KANTR: variants seen among roughly 807,000 people sequenced by gnomAD.
KANTR encodes KANTR integral membrane protein.
chrX:53,123,701 C>T (rs1222765735), exon 3 of KANTR: 2 of 111,727 alleles, frequency 1.8e-5, no homozygotes, highest in African/African-American at 6.5e-5. Context: ...GGAACACAGA[C>T]TCCTCCAGCA....
intron 2 of KANTR, among the ~76,000 whole-genome samples, chrX:53,118,211 C>T (rs1556814961): frequency 1.8e-5 from 2 of 111,680 alleles, no homozygotes; most frequent in East Asian, 2.8e-4. Context: ...TCCAAAAGTT[C>T]GGCTTGACAG....
downstream of KANTR, among the ~76,000 whole-genome samples, chrX:53,147,475 T>G (rs1168302616): frequency 2.7e-5 from 3 of 111,390 alleles, no homozygotes; most frequent in Admixed American, 2.9e-4. Flanking sequence ...AAGCAAGTCC[T>G]TAGAGACCTA....
intron 2 of KANTR, among the ~76,000 whole-genome samples, chrX:53,104,471 C>A (rs1358097235): frequency 9.1e-6 from 1 of 110,280 alleles, no homozygotes; most frequent in African/African-American, 3.3e-5. Flanking sequence ...AAGTGATCCA[C>A]CCGCCTCGGC....
intron 2 of KANTR, among the ~76,000 whole-genome samples, chrX:53,123,193 C>A (rs1358228409): frequency 1.1e-5 from 1 of 88,043 alleles, no homozygotes; most frequent in African/African-American, 4.1e-5. Flanking sequence ...TTTTTTTTTT[C>A]TGAGCAAGAC....
At position 53,113,327 on chromosome X, in the gene KANTR, A is replaced by AC. The variant is rs145002653; in HGVS notation, c.-804-10142_-804-10141insC. On this transcript the variant is annotated intron_variant, in intron 2 of 2. Coordinates refer to ENST00000604062, the Ensembl canonical transcript of KANTR. ...AGCCTATAGCAGAAAACACACACAC[A>AC]AAAAAAAACCCTAATTTTTAAAATA... is the stretch of plus-strand genomic sequence containing the variant. 7.9e-3 allele frequency: 251 copies of AC among 31,920 alleles called. 2 individuals carry two copies. The highest frequency in any genetic ancestry group is 0.046 in the Middle Eastern group (3 of 65). The allele number at this position is 31,920 out of a possible 1,213,427, so 2.6% of individuals were successfully genotyped here.
chrX:53,140,263 G>A (rs1370652809), intron 2 of KANTR, among the ~76,000 whole-genome samples: 1 of 111,798 alleles, frequency 8.9e-6, no homozygotes, highest in Non-Finnish European at 1.9e-5. Context: ...TTGGAAGGCC[G>A]AGGCAAGTGG....
chrX:53,129,231 CTATT>C (rs1569239767), downstream of KANTR, among the ~76,000 whole-genome samples: 1 of 32,352 alleles, frequency 3.1e-5, no homozygotes, highest in Non-Finnish European at 7.8e-5. Context: ...CCATGCCTGG[CTATT>C]TGTGTGTGTG....
In KANTR at chrX:53,112,488, G is replaced by A. The variant is rs1933056565; in HGVS notation, c.-804-10981G>A. On this transcript the variant is annotated intron_variant, in intron 2 of 2. Coordinates refer to ENST00000604062, the Ensembl canonical transcript of KANTR. ...GACTTTTCCTCTCCATTTCTAAAGG[G>A]CAGCTTTGCTGGTACAGTCTTTTTG... Among the ~76,000 whole-genome samples, 4 of 112,020 alleles carry A rather than the reference G, an allele frequency of 3.6e-5. No homozygotes were observed. In the South Asian group the frequency reaches 1.5e-3, roughly 41 times the overall value.
intron 2 of KANTR, among the ~76,000 whole-genome samples, chrX:53,107,419 A>G (rs1313798860): frequency 3.1e-5 from 3 of 98,218 alleles, no homozygotes; most frequent in Non-Finnish European, 5.9e-5. Flanking sequence ...CTGGGATTAC[A>G]GGCATGATCT....
At chrX:53,129,068 T>A (rs1199475905), downstream of KANTR, among the ~76,000 whole-genome samples, 2 of 11,553 alleles carry the variant, frequency 1.7e-4, no homozygotes, top group East Asian at 0.019. Flanking sequence ...TCTTCTTCTT[T>A]TTTTTTTTTT....
chrX:53,146,587 T>C (rs1556819380), downstream of KANTR, among the ~76,000 whole-genome samples: 1 of 111,528 alleles, frequency 9.0e-6, no homozygotes, highest in Non-Finnish European at 1.9e-5. Flanking sequence ...CCAGGAGAAC[T>C]TCCCCAATCT....
chrX:53,101,236 T>C (rs1932890575), intron 2 of KANTR, among the ~76,000 whole-genome samples: 1 of 112,928 alleles, frequency 8.9e-6, no homozygotes, highest in Non-Finnish European at 1.9e-5. Flanking sequence ...GCAAGAAGCC[T>C]AGCCTTCGGC....
intron 2 of KANTR, among the ~76,000 whole-genome samples, chrX:53,104,759 T>C (rs1932928065): frequency 8.9e-6 from 1 of 112,174 alleles, no homozygotes; most frequent in South Asian, 3.7e-4. Context: ...TCAAATAATA[T>C]TCTGTCATAT....
downstream of KANTR, among the ~76,000 whole-genome samples, chrX:53,129,065 CTTTTTTTTTTT>C (rs10550250): frequency 3.6e-5 from 2 of 55,492 alleles, no homozygotes; most frequent in Non-Finnish European, 7.2e-5. Flanking sequence ...TCTTCTTCTT[CTTTTTTTTTTT>C]TTTTTTTTTG....
intron 2 of KANTR, among the ~76,000 whole-genome samples, chrX:53,132,802 G>T (rs1556817177): frequency 9.0e-6 from 1 of 111,638 alleles, no homozygotes; most frequent in Admixed American, 9.5e-5. Flanking sequence ...ATAGTGATGG[G>T]TGCACTCCAC....
chrX:53,139,927 A>G (rs782689467), intron 2 of KANTR, among the ~76,000 whole-genome samples: 10 of 112,691 alleles, frequency 8.9e-5, no homozygotes, highest in African/African-American at 2.6e-4. Context: ...AGCAACGCCA[A>G]TAGAAAATTA....
chrX:53,114,315 G>A (rs1200049417), intron 2 of KANTR, among the ~76,000 whole-genome samples: 5 of 112,739 alleles, frequency 4.4e-5, no homozygotes, highest in African/African-American at 9.7e-5. Flanking sequence ...CAGAGTGCTC[G>A]GGATTATAGG....
At chrX:53,118,643 C>T (rs1370719000) in intron 2 of KANTR, among the ~76,000 whole-genome samples, 5 of 110,063 alleles carry the variant, frequency 4.5e-5, no homozygotes, top group Non-Finnish European at 9.5e-5. Flanking sequence ...TGCCTGTGGC[C>T]CCAGCTACTT....
At chrX:53,135,064 C>G (rs1933405162) in intron 2 of KANTR, among the ~76,000 whole-genome samples, 1 of 111,849 alleles carries the variant, frequency 8.9e-6, no homozygotes, top group African/African-American at 3.3e-5. Flanking sequence ...GGATTGCTTC[C>G]CAGCATTCCT....
Sources: allele counts gnomAD v4.1 joint callset (sites outside exome capture counted in the v4.1 genomes callset), GRCh38; gene constraint gnomAD v4.1.1; transcripts MANE v1.5; gene names NCBI Gene and HGNC (gene_info 2026-07-23, HGNC 2026-07-21).